The following PTH2R variants were observed in gnomAD, a reference collection of about 807,000 sequenced individuals.
PTH2R encodes the protein PTH2 receptor.
In PTH2R, 59 loss-of-function variants were observed where a neutral mutation model predicts 60.3. The observed-to-expected ratio is 0.98, with a 90% confidence interval of 0.79 to 1.22. The LOEUF is 1.22. Among genes scored for constraint, PTH2R ranks in the 50% most tolerant of loss-of-function variants. The pLI is 0.00. For synonymous variants in PTH2R, 256 were observed against 243.8 expected, an observed-to-expected ratio of 1.05 and a Z score of -0.47; for missense variants, 749 against 682.6, an observed-to-expected ratio of 1.10 and a Z score of -1.08.
chr2:208,380,215 T>G (rs1700886030), intron 1 of PTH2R, among the ~76,000 whole-genome samples: 1 of 152,118 alleles, frequency 6.6e-6, no homozygotes, highest in Non-Finnish European at 1.5e-5. Flanking sequence ...TTTATATAAT[T>G]TGTCATATTG....
chr2:208,477,620 C>A (rs946735664), intron 9 of PTH2R, among the ~76,000 whole-genome samples: 10 of 151,786 alleles, frequency 6.6e-5, no homozygotes, highest in African/African-American at 2.2e-4. Context: ...AAAAATGAAT[C>A]TTTAATTGCA....
upstream of PTH2R, among the ~76,000 whole-genome samples, chr2:208,405,831 G>GA (rs1298990389): frequency 2.0e-5 from 3 of 152,152 alleles, 1 homozygote; most frequent in Admixed American, 1.3e-4. Flanking sequence ...AGAGACCTCA[G>GA]AAAAATCCCT....
intron 10 of PTH2R, among the ~76,000 whole-genome samples, chr2:208,485,386 C>T (rs570512715): frequency 1.3e-5 from 2 of 152,270 alleles, no homozygotes; most frequent in African/African-American, 2.4e-5. Context: ...GTTGGTACAT[C>T]CCTGAATCAT....
At chr2:208,474,404 A>G (rs1270159376) in intron 9 of PTH2R, among the ~76,000 whole-genome samples, 4 of 152,220 alleles carry the variant, frequency 2.6e-5, no homozygotes, top group African/African-American at 4.8e-5. Context: ...AGAATAGGGA[A>G]GAGACAACAC....
rs191150918 is a variant in PTH2R at position 208,455,904 on chromosome 2, T to G, written c.915-3991T>G. Among the ~76,000 whole-genome samples the G allele has an allele frequency of 7.9e-5, 12 of 152,272 alleles. No homozygotes were observed. In the East Asian group the frequency reaches 1.4e-3, roughly 17 times the overall value. The stretch of plus-strand genomic sequence containing the variant: ...TTTTAAAAGATACCTTAAACTCTAT[T>G]GATATACAAAAGAAGTCTCTTTCAG... On this transcript the variant is annotated intron_variant, in intron 8 of 12. Coordinates refer to ENST00000272847, the MANE Select transcript of PTH2R (RefSeq NM_005048.4).
At chr2:208,419,742 G>A (rs981360868) in intron 1 of PTH2R, among the ~76,000 whole-genome samples, 2 of 152,074 alleles carry the variant, frequency 1.3e-5, no homozygotes, top group Admixed American at 1.3e-4. Context: ...TCTACATATG[G>A]CTAGCCAGTT....
At chr2:208,475,674 C>G (rs1441332591) in intron 9 of PTH2R, among the ~76,000 whole-genome samples, 1 of 152,110 alleles carries the variant, frequency 6.6e-6, no homozygotes. Context: ...GTAACTGACA[C>G]CTTGTGGTTT....
chr2:208,397,871 C>T (rs1701241655), intron 1 of PTH2R, among the ~76,000 whole-genome samples: 1 of 152,208 alleles, frequency 6.6e-6, no homozygotes, highest in African/African-American at 2.4e-5. Context: ...GACCTAGTTT[C>T]TAATGGCCTG....
At chr2:208,459,000 T>A (rs201417838) in intron 8 of PTH2R, among the ~76,000 whole-genome samples, 1 of 97,602 alleles carries the variant, frequency 1.0e-5, no homozygotes, top group Admixed American at 9.9e-5. Flanking sequence ...GAATGGTAGT[T>A]CTTCTTTTAG....
Position 208,481,082 on chromosome 2 carries a change from C to A in PTH2R, c.994C>A (p.Leu332Met). Residue 332 changes from leucine to methionine, a missense_variant, in exon 10 of 13, where the codon CTG becomes ATG. Physicochemically the swap from Leu to Met is conservative, Grantham distance 15 (BLOSUM62 2). Coordinates refer to ENST00000272847, the MANE Select transcript of PTH2R (RefSeq NM_005048.4). ...ILAAIGLNFI[L>M]FLNTVRVLAT... ...CCTTCTTTTTCAGCTGAATTTTATT[C>A]TGTTTCTGAATACGGTTAGAGTTCT... The A allele has an allele frequency of 6.2e-7, 1 of 1,601,922 alleles. No individual in the cohort carries two copies. Among genetic ancestry groups the A allele is most frequent in the South Asian group, 1.1e-5 (1 of 89,162 alleles).
chr2:208,386,092 C>A (rs536873101), intron 1 of PTH2R, among the ~76,000 whole-genome samples: 3 of 152,304 alleles, frequency 2.0e-5, no homozygotes, highest in African/African-American at 4.8e-5. Flanking sequence ...ATAATCAAAT[C>A]TTTAATTCAT....
chr2:208,450,090 C>T (rs761167413), intron 7 of PTH2R, among the ~76,000 whole-genome samples: 44 of 152,196 alleles, frequency 2.9e-4, no homozygotes, highest in Non-Finnish European at 4.7e-4. Flanking sequence ...GGGGGGCAAA[C>T]GAAAGTCGGT....
chr2:208,407,700 G>T (rs1313653476), intron 1 of PTH2R, among the ~76,000 whole-genome samples: 1 of 152,052 alleles, frequency 6.6e-6, no homozygotes, highest in Non-Finnish European at 1.5e-5. Context: ...TTTTCTGGGC[G>T]ATCTTTCACA....
intron 11 of PTH2R, among the ~76,000 whole-genome samples, chr2:208,489,516 G>A (rs998407275): frequency 6.6e-5 from 10 of 152,138 alleles, no homozygotes; most frequent in African/African-American, 2.2e-4. Flanking sequence ...GCAAAAAGGA[G>A]TGGGGAGGGG....
intron 1 of PTH2R, among the ~76,000 whole-genome samples, chr2:208,384,025 G>A (rs1171938480): frequency 1.3e-5 from 2 of 152,138 alleles, no homozygotes; most frequent in South Asian, 2.1e-4. Flanking sequence ...TAGGAGTAGG[G>A]GATAAATGTT....
chr2:208,430,962 C>T (rs1701959450), intron 2 of PTH2R, among the ~76,000 whole-genome samples: 1 of 152,022 alleles, frequency 6.6e-6, no homozygotes, highest in Non-Finnish European at 1.5e-5. Context: ...ATCTGTACAT[C>T]TGTATCTTTA....
intron 1 of PTH2R, among the ~76,000 whole-genome samples, chr2:208,392,238 G>A (rs1701121162): frequency 6.6e-6 from 1 of 152,126 alleles, no homozygotes; most frequent in Non-Finnish European, 1.5e-5. Context: ...ATGAGGTGAA[G>A]GTCCTGAACT....
intron 4 of PTH2R, among the ~76,000 whole-genome samples, chr2:208,440,338 TG>T (rs1702157333): frequency 6.6e-6 from 1 of 152,218 alleles, no homozygotes; most frequent in Non-Finnish European, 1.5e-5. Context: ...GGTTAGAATT[TG>T]TAAGATTTTT....
chr2:208,472,669 TC>T (rs1021302552), intron 9 of PTH2R, among the ~76,000 whole-genome samples: 12 of 152,194 alleles, frequency 7.9e-5, no homozygotes, highest in Non-Finnish European at 1.6e-4. Flanking sequence ...TTTTTTGTTT[TC>T]AGTCTCAGGT....
Sources: gnomAD v4.1 joint callset for allele counts (sites outside exome capture counted in the v4.1 genomes callset) on GRCh38, gnomAD v4.1.1 for gene constraint, MANE v1.5 for transcripts, NCBI Gene and HGNC (gene_info 2026-07-23, HGNC 2026-07-21) for gene names.